ST6GALNAC3: variants seen among roughly 807,000 people sequenced by gnomAD.
ST6GALNAC3 encodes ST6 N-acetylgalactosaminide alpha-2,6-sialyltransferase 3.
ST6GALNAC3 carries 25 observed loss-of-function variants against 32.7 expected under a neutral mutation model. That is an observed-to-expected ratio of 0.76 (90% confidence interval 0.56 to 1.07). The LOEUF (loss-of-function observed/expected upper bound fraction) is 1.07. ST6GALNAC3 is among the 50% of genes least tolerant of loss of function. The pLI, the probability that ST6GALNAC3 is intolerant of heterozygous loss-of-function variation, is 0.00. For missense variants in ST6GALNAC3, 355 were observed against 382.4 expected, an observed-to-expected ratio of 0.93 and a Z score of 0.60; for synonymous variants, 129 against 133.1, an observed-to-expected ratio of 0.97 and a Z score of 0.21.
chr1:76,320,862 C>A lies in ST6GALNAC3; in HGVS notation c.213+6863C>A, dbSNP rs190989259. ...TACATGTTCACAGATCAAGTTCTAGCCACTTAAATACAAACATACATAGAA... is the reference window on the plus strand; with the variant it reads ...TACATGTTCACAGATCAAGTTCTAGACACTTAAATACAAACATACATAGAA... On this transcript the variant is annotated intron_variant, in intron 2 of 4. Transcript: ENST00000328299. Among the ~76,000 whole-genome samples, 265 of 151,626 alleles carry A rather than the reference C, an allele frequency of 1.7e-3. 2 individuals carry two copies. Among genetic ancestry groups the A allele is most frequent in the Admixed American group, 4.5e-3 (68 of 15,178 alleles).
intron 3 of ST6GALNAC3, among the ~76,000 whole-genome samples, chr1:76,495,250 C>T (rs1011906054): frequency 3.3e-5 from 5 of 152,142 alleles, no homozygotes; most frequent in Non-Finnish European, 7.4e-5. Context: ...CAGGTACTTA[C>T]TTAACAGATC....
chr1:76,323,731 A>G (rs1647014028), intron 2 of ST6GALNAC3, among the ~76,000 whole-genome samples: 1 of 152,272 alleles, frequency 6.6e-6, no homozygotes, highest in Non-Finnish European at 1.5e-5. Context: ...GTAGTCATAG[A>G]AAGAAAGTTT....
chr1:76,573,670 T>C (rs1646750189), intron 3 of ST6GALNAC3, among the ~76,000 whole-genome samples: 1 of 151,744 alleles, frequency 6.6e-6, no homozygotes. Context: ...TCTCCTTTTT[T>C]TTTTGTCTCA....
At chr1:76,601,825 T>G (rs780140732) in intron 3 of ST6GALNAC3, among the ~76,000 whole-genome samples, 4 of 152,166 alleles carry the variant, frequency 2.6e-5, no homozygotes, top group Non-Finnish European at 5.9e-5. Context: ...GCACAGGCAG[T>G]GCTGAACATG....
chr1:76,183,876 A>ATATATATATATATATATATG (rs1557679664), intron 1 of ST6GALNAC3, among the ~76,000 whole-genome samples: 3 of 143,390 alleles, frequency 2.1e-5, no homozygotes, highest in African/African-American at 7.6e-5. Flanking sequence ...ATATATATGT[A>ATATATATATATATATATATG]TGTTACTGAA....
intron 1 of ST6GALNAC3, among the ~76,000 whole-genome samples, chr1:76,262,061 T>G (rs1337941465): frequency 6.6e-6 from 1 of 152,192 alleles, no homozygotes; most frequent in Non-Finnish European, 1.5e-5. Flanking sequence ...GAATCTAGTG[T>G]CTGAGCTCTT....
At chr1:76,619,880 A>G (rs1003051715) in intron 3 of ST6GALNAC3, among the ~76,000 whole-genome samples, 3 of 152,084 alleles carry the variant, frequency 2.0e-5, no homozygotes, top group Non-Finnish European at 2.9e-5. Flanking sequence ...CCTCTGCCTA[A>G]TGTTCCACTC....
intron 3 of ST6GALNAC3, among the ~76,000 whole-genome samples, chr1:76,468,260 C>CTGGGG (rs1658781184): frequency 6.6e-6 from 1 of 151,920 alleles, no homozygotes; most frequent in Non-Finnish European, 1.5e-5. Context: ...AAAAGACCCC[C>CTGGGG]ACTTAGATAC....
rs183499207 is a variant in ST6GALNAC3, at chr1:76,385,001, A to G, written c.214-27007A>G. On this transcript the variant is annotated intron_variant, in intron 2 of 4. Transcript: ENST00000328299. The stretch of plus-strand genomic sequence containing the variant: ...GGTAAGCAAACAAAGCCAGATGCAG[A>G]GAATGCATACCATAATATTTCATTT... 9.8e-5 allele frequency among the ~76,000 whole-genome samples: 15 copies of G among 152,306 alleles called. No individual in the cohort carries two copies. The East Asian group carries it at 2.5e-3, about 25-fold the overall frequency.
rs560085054 is a variant in ST6GALNAC3 at position 76,389,543 on chromosome 1, T to C, written c.214-22465T>C. Among the ~76,000 whole-genome samples, 55 of 152,362 alleles carry C rather than the reference T, an allele frequency of 3.6e-4. 1 individual carries two copies. Among genetic ancestry groups the C allele is most frequent in the African/African-American group, 1.3e-3 (55 of 41,600 alleles). ...GATTCATTACTTTTATGGGTTGATA[T>C]GTCTTGTGAGAATATGAGATGTGGA... On this transcript the variant is annotated intron_variant, in intron 2 of 4. Transcript: ENST00000328299.
At chr1:76,180,518 T>C (rs1011872538) in intron 1 of ST6GALNAC3, among the ~76,000 whole-genome samples, 3 of 152,118 alleles carry the variant, frequency 2.0e-5, no homozygotes, top group Non-Finnish European at 4.4e-5. Flanking sequence ...GACATTCCTG[T>C]TTTCATGCAC....
chr1:76,588,323 TCCC>T (rs1557602862), intron 3 of ST6GALNAC3, among the ~76,000 whole-genome samples: 1 of 152,076 alleles, frequency 6.6e-6, no homozygotes. Flanking sequence ...ACCTATCTCC[TCCC>T]TTTCATGTTT....
At chr1:76,313,367 G>A (rs1176870139) in intron 1 of ST6GALNAC3, among the ~76,000 whole-genome samples, 1 of 152,012 alleles carries the variant, frequency 6.6e-6, no homozygotes, top group African/African-American at 2.4e-5. Context: ...ATTACACAGT[G>A]AAAAAGTACA....
chr1:76,454,441 T>C (rs1476789208), intron 3 of ST6GALNAC3, among the ~76,000 whole-genome samples: 2 of 152,296 alleles, frequency 1.3e-5, no homozygotes, highest in East Asian at 3.9e-4. Context: ...TTTCAAGATT[T>C]GGAGCTACCT....
At chr1:76,329,351 T>G (rs1647143469) in intron 2 of ST6GALNAC3, among the ~76,000 whole-genome samples, 1 of 152,206 alleles carries the variant, frequency 6.6e-6, no homozygotes, top group Admixed American at 6.5e-5. Context: ...TCTCTGTAAG[T>G]GATGTTAACT....
At chr1:76,496,933 A>G (rs1571420887) in intron 3 of ST6GALNAC3, among the ~76,000 whole-genome samples, 2 of 152,156 alleles carry the variant, frequency 1.3e-5, no homozygotes, top group Non-Finnish European at 2.9e-5. Context: ...GCTTTGTCCA[A>G]AGCTGGGGCC....
rs1649251165 is a variant in ST6GALNAC3, at chr1:76,630,693, T to C, written c.*1887T>C. On this transcript the variant is annotated 3_prime_UTR_variant, in exon 5 of 5. Coordinates refer to ENST00000328299, the MANE Select transcript of ST6GALNAC3 (RefSeq NM_152996.4). ...TAAAGGCCTTTTGCCTACTCTCTTC[T>C]GCAATTTTGACACCTCAATATTCAC... The C allele has an allele frequency of 1.0e-6, 1 of 985,538 alleles. No individual in the cohort carries two copies. The highest frequency in any genetic ancestry group is 4.7e-5 in the South Asian group (1 of 21,294). The allele number at this position is 985,538 out of a possible 1,614,324, so 61.0% of individuals were successfully genotyped here.
intron 1 of ST6GALNAC3, among the ~76,000 whole-genome samples, chr1:76,289,782 C>T (rs1047037471): frequency 6.6e-5 from 10 of 152,202 alleles, no homozygotes; most frequent in African/African-American, 1.9e-4. Flanking sequence ...ATGTAGGCTC[C>T]GCCTTAAGGC....
intron 3 of ST6GALNAC3, among the ~76,000 whole-genome samples, chr1:76,604,602 A>G (rs762856829): frequency 4.3e-4 from 66 of 152,180 alleles, no homozygotes; most frequent in Non-Finnish European, 7.1e-4. Context: ...TCTGCAATCT[A>G]TAATCTGATC....
Sources: allele counts gnomAD v4.1 joint callset (sites outside exome capture counted in the v4.1 genomes callset), GRCh38; gene constraint gnomAD v4.1.1; transcripts MANE v1.5; gene names NCBI Gene and HGNC (gene_info 2026-07-23, HGNC 2026-07-21).